SRGAP1: variants seen among roughly 807,000 people sequenced by gnomAD.
The protein encoded by SRGAP1 is SLIT-ROBO Rho GTPase-activating protein 1.
SRGAP1 carries 43 observed loss-of-function variants against 121.9 expected under a neutral mutation model. That is an observed-to-expected ratio of 0.35 (90% CI 0.28 to 0.46). The LOEUF (loss-of-function observed/expected upper bound fraction) is 0.46, where lower values mean the gene tolerates loss of function less well. Ranked by LOEUF, SRGAP1 falls within the 20% of genes least tolerant of loss-of-function variation. SRGAP1 has a pLI of 1.00. For synonymous variants in SRGAP1, 447 were observed against 485.4 expected (o/e 0.92, Z 1.04); for missense variants, 1,102 against 1,350.9 (o/e 0.82, Z 2.89).
At chr12:64,142,084 T>G (rs574616009) in intron 21 of SRGAP1, among the ~76,000 whole-genome samples, 1 of 152,292 alleles carries the variant, frequency 6.6e-6, no homozygotes, top group African/African-American at 2.4e-5. Flanking sequence ...GATACATGGC[T>G]CCATGAGCCA....
Position 64,042,900 on chromosome 12 carries a change from C to T in SRGAP1, c.600C>T (p.Val200=). 1 of 1,613,820 alleles carries T rather than the reference C, an allele frequency of 6.2e-7. No homozygotes were observed. The highest frequency in any genetic ancestry group is 1.1e-5 in the South Asian group (1 of 91,078). Residue 200 remains valine, a synonymous_variant, in exon 5 of 22, where the codon GTC becomes GTT. Transcript: ENST00000355086. ...EKQIGRSGDP[V]FHIRLEERHQ... Reference sequence around the variant, plus strand: ...AAATTGGGAGATCTGGTGATCCAGTCTTCCATATTCGACTAGAGGAGAGAC... The same window carrying T: ...AAATTGGGAGATCTGGTGATCCAGTTTTCCATATTCGACTAGAGGAGAGAC...
intron 3 of SRGAP1, among the ~76,000 whole-genome samples, chr12:64,014,656 T>C (rs1015924339): frequency 6.6e-6 from 1 of 152,138 alleles, no homozygotes; most frequent in African/African-American, 2.4e-5. Context: ...CCTAAAGATA[T>C]TTGGCCTAAG....
At chr12:64,025,084 A>G (rs2034624011) in intron 4 of SRGAP1, among the ~76,000 whole-genome samples, 1 of 151,698 alleles carries the variant, frequency 6.6e-6, no homozygotes, top group Non-Finnish European at 1.5e-5. Flanking sequence ...AGCAGAGTTG[A>G]TGTGAGCACA....
At chr12:63,899,862 G>A (rs1900877643) in intron 1 of SRGAP1, among the ~76,000 whole-genome samples, 1 of 152,154 alleles carries the variant, frequency 6.6e-6, no homozygotes, top group African/African-American at 2.4e-5. Flanking sequence ...GCTATGAAGT[G>A]ACTCCTTATA....
At chr12:63,967,011 T>G (rs1185143670) in intron 1 of SRGAP1, among the ~76,000 whole-genome samples, 2 of 152,272 alleles carry the variant, frequency 1.3e-5, no homozygotes, top group Non-Finnish European at 2.9e-5. Flanking sequence ...TTTGATAGGT[T>G]GGCTTTATCC....
At chr12:64,098,586 C>T (rs1340558132) in intron 15 of SRGAP1, among the ~76,000 whole-genome samples, 1 of 151,754 alleles carries the variant, frequency 6.6e-6, no homozygotes, top group African/African-American at 2.4e-5. Flanking sequence ...AGGAGGATCA[C>T]TTGAGTCTGG....
At chr12:63,880,974 CG>C (rs777119095) in intron 1 of SRGAP1, among the ~76,000 whole-genome samples, 2 of 152,102 alleles carry the variant, frequency 1.3e-5, no homozygotes, top group Admixed American at 6.5e-5. Flanking sequence ...AAAACACAAC[CG>C]GATCAGGAGT....
At chr12:64,104,279 G>T (rs1268281625) in intron 15 of SRGAP1, among the ~76,000 whole-genome samples, 1 of 151,916 alleles carries the variant, frequency 6.6e-6, no homozygotes, top group East Asian at 1.9e-4. Context: ...TGCATTGCTG[G>T]GAAAAAAACA....
intron 1 of SRGAP1, among the ~76,000 whole-genome samples, chr12:63,950,701 A>G (rs1023647682): frequency 3.3e-5 from 5 of 152,138 alleles, no homozygotes; most frequent in Non-Finnish European, 5.9e-5. Flanking sequence ...CAAGGAGGTG[A>G]TAAAATCTGT....
chr12:63,862,178 A>G (rs982016126), intron 1 of SRGAP1, among the ~76,000 whole-genome samples: 8 of 152,232 alleles, frequency 5.3e-5, no homozygotes, highest in African/African-American at 1.9e-4. Context: ...ATGAAAATTA[A>G]AACATTTTTA....
At chr12:63,912,728 T>C (rs764090747) in intron 1 of SRGAP1, among the ~76,000 whole-genome samples, 3 of 152,128 alleles carry the variant, frequency 2.0e-5, no homozygotes, top group Non-Finnish European at 2.9e-5. Context: ...AAGAGAAATA[T>C]AAACGCTGTT....
chr12:63,896,940 G>A (rs147228614), intron 1 of SRGAP1, among the ~76,000 whole-genome samples: 2 of 152,220 alleles, frequency 1.3e-5, no homozygotes, highest in Admixed American at 6.5e-5. Context: ...CCTGGGTTTC[G>A]TTCCCAAAAT....
intron 1 of SRGAP1, among the ~76,000 whole-genome samples, chr12:63,948,846 T>TGTTTTCC (rs2032140556): frequency 4.4e-5 from 6 of 137,196 alleles, no homozygotes; most frequent in Admixed American, 2.3e-4. Context: ...TCCATATATA[T>TGTTTTCC]ATTTTCCATA....
At chr12:63,848,912 A>G (rs1447533942) in intron 1 of SRGAP1, among the ~76,000 whole-genome samples, 3 of 152,256 alleles carry the variant, frequency 2.0e-5, no homozygotes, top group Non-Finnish European at 4.4e-5. Context: ...ATAGAATACA[A>G]TAAAGAATAC....
chr12:64,062,096 T>C (rs570361726), intron 6 of SRGAP1, among the ~76,000 whole-genome samples: 15 of 152,286 alleles, frequency 9.8e-5, no homozygotes, highest in South Asian at 2.1e-4. Context: ...TTTGAGAAAC[T>C]ACCAGATTGC....
intron 8 of SRGAP1, among the ~76,000 whole-genome samples, chr12:64,070,372 C>T (rs1189974373): frequency 1.3e-5 from 2 of 152,156 alleles, no homozygotes; most frequent in African/African-American, 4.8e-5. Context: ...TTTTTTAGGA[C>T]AGCGTTGGCT....
chr12:63,989,332 G>A (rs947842050), intron 2 of SRGAP1, among the ~76,000 whole-genome samples: 3 of 152,172 alleles, frequency 2.0e-5, no homozygotes, highest in Non-Finnish European at 2.9e-5. Context: ...AAACTTCATG[G>A]TTCTCTTCAT....
rs2034245941 is a variant in SRGAP1, at chr12:64,011,309, C to T, written c.427-5641C>T. The stretch of plus-strand genomic sequence containing the variant: ...TGACCTATAGAAAAAAATTGATCAG[C>T]CAGAATTGATAAGATTGGTAACTTC... On this transcript the variant is annotated intron_variant, in intron 3 of 21. Transcript: ENST00000355086. Among the ~76,000 whole-genome samples, 3 of 152,090 alleles carry T rather than the reference C, an allele frequency of 2.0e-5. No individual in the cohort carries two copies. In the South Asian group the frequency reaches 6.2e-4, roughly 32 times the overall value.
chr12:63,909,159 A>C (rs1397430579), intron 1 of SRGAP1, among the ~76,000 whole-genome samples: 5 of 152,218 alleles, frequency 3.3e-5, no homozygotes, highest in Non-Finnish European at 5.9e-5. Flanking sequence ...AAGTGCTGGG[A>C]TTACAGGCAT....
Sources: allele counts gnomAD v4.1 joint callset (sites outside exome capture counted in the v4.1 genomes callset), GRCh38; gene constraint gnomAD v4.1.1; transcripts MANE v1.5; gene names NCBI Gene and HGNC (gene_info 2026-07-23, HGNC 2026-07-21).